Variants in ATP8B3 observed in about 807,000 individuals in gnomAD.
The protein encoded by ATP8B3 is ATPase phospholipid transporting 8B3.
A neutral mutation model predicts 140.9 loss-of-function variants in ATP8B3; 141 were observed. The observed-to-expected ratio is 1.00, with a 90% CI of 0.87 to 1.15. ATP8B3 has a LOEUF of 1.15. ATP8B3 is among the 50% of genes most tolerant of loss of function. The pLI is 0.00. For missense variants in ATP8B3, 1,874 were observed against 1,740.6 expected (o/e 1.08, Z -1.36); for synonymous variants, 765 against 714.6 (o/e 1.07, Z -1.13).
Position 1,806,537 on chromosome 19 carries a change from G to C in ATP8B3, c.677+91C>G, listed in dbSNP as rs541389422. ...AACCAGCCGGGAGATCAGGGAGCAC[G>C]GAAGGTGATGGACACTTGCCGAGGC... On this transcript the variant is annotated intron_variant, in intron 7 of 28. Transcript: ENST00000310127. The surrounding 1 kb of genome is among the most constrained non-coding windows in gnomAD (Gnocchi z 5.6). 21 of 1,531,152 alleles carry C rather than the reference G, an allele frequency of 1.4e-5. No individual in the cohort carries two copies. In the African/African-American group the frequency reaches 2.7e-4, roughly 20 times the overall value. 94.8% of individuals were successfully genotyped at this position (1,531,152 alleles called of 1,614,324 possible).
chr19:1,803,828 G>A (rs2068927310), intron 10 of ATP8B3, among the ~76,000 whole-genome samples: 2 of 151,338 alleles, frequency 1.3e-5, no homozygotes, highest in Non-Finnish European at 1.5e-5. Flanking sequence ...CCCGGGAGGC[G>A]GAGGTTGCCG....
chr19:1,806,652 G>C lies in ATP8B3; in HGVS notation c.653C>G (p.Pro218Arg), dbSNP rs1327767419. 1 of 1,564,290 alleles carries C rather than the reference G, an allele frequency of 6.4e-7. No individual in the cohort carries two copies. Among genetic ancestry groups the C allele is most frequent in the Non-Finnish European group, 8.7e-7 (1 of 1,154,632 alleles). ...HKSDRAINNR[P>R]CQILMGKSFK... is the part of the protein sequence containing the mutation. ...CCTCTTCCCCATCAGAATCTGGCAG[G>C]GTCTGTTGTTGATGGCTCTGTCACT... The change falls in exon 7 of 29, where the codon CCC becomes CGC. Residue 218 changes from proline to arginine, a missense_variant. Pro to Arg is a moderately radical substitution (Grantham distance 103). Coordinates refer to ENST00000310127, the MANE Select transcript of ATP8B3 (RefSeq NM_138813.4). The surrounding 1 kb of genome is among the most constrained non-coding windows in gnomAD (Gnocchi z 5.6).
chr19:1,803,898 A>G (rs920665886), intron 10 of ATP8B3, among the ~76,000 whole-genome samples: 2 of 78,130 alleles, frequency 2.6e-5, no homozygotes, highest in Non-Finnish European at 5.5e-5. Flanking sequence ...CTCTGTCTCA[A>G]AAAAAAAAAA....
chr19:1,797,070 C>A, intron 14 of ATP8B3, 65 bp from the exon 15 acceptor site: 1 of 1,607,834 alleles, frequency 6.2e-7, no homozygotes, highest in Non-Finnish European at 8.5e-7. Context: ...CCCATAGCCC[C>A]TGACCCCTAG....
chr19:1,790,749 C>G lies in ATP8B3; in HGVS notation c.2378+8G>C. 6.3e-7 allele frequency: 1 copy of G among 1,595,372 alleles called. No homozygotes were observed. Among genetic ancestry groups the G allele is most frequent in the South Asian group, 1.1e-5 (1 of 87,870 alleles). On this transcript the variant is annotated splice_region_variant and intron_variant, in intron 21 of 28. Coordinates refer to ENST00000310127, the MANE Select transcript of ATP8B3 (RefSeq NM_138813.4). ...CCCTTGCTCACCCCCCAACTCCCCA[C>G]TTCTTACCTAATCTCCTTCTCCTCC...
rs2068179590 is a variant in ATP8B3, at chr19:1,782,083, G to C, written c.*945C>G. 6.0e-6 allele frequency: 1 copy of C among 167,034 alleles called. No homozygotes were observed. Among genetic ancestry groups the C allele is most frequent in the African/African-American group, 2.5e-5 (1 of 40,392 alleles). 10.3% of individuals were successfully genotyped at this position (167,034 alleles called of 1,614,324 possible). A position where few individuals can be genotyped will look rare whatever the true frequency, so the allele number is the denominator to read the frequency against. ...GAAAGAGGGAGCCTGAATTAGCGCT[G>C]GGGTCAGATGGACCCTGGTTTATTA... On this transcript the variant is annotated 3_prime_UTR_variant, in exon 29 of 29. Coordinates refer to ENST00000310127, the MANE Select transcript of ATP8B3 (RefSeq NM_138813.4).
At position 1,804,793 on chromosome 19, in the gene ATP8B3, C is replaced by T. The variant is rs146022238; in HGVS notation, c.904+581G>A. The stretch of plus-strand genomic sequence containing the variant: ...TGCACTCCAGCCTGGGAGACAAGAG[C>T]GAAACTCCGTCTCAAAAAAAGAAAA... On this transcript the variant is annotated intron_variant, in intron 10 of 28. Coordinates refer to ENST00000310127, the MANE Select transcript of ATP8B3 (RefSeq NM_138813.4). Among the ~76,000 whole-genome samples, 362 of 152,120 alleles carry T rather than the reference C, an allele frequency of 2.4e-3. 3 individuals are homozygous for T. The highest frequency in any genetic ancestry group is 8.0e-3 in the African/African-American group (331 of 41,506).
In ATP8B3 at chr19:1,800,204, C is replaced by A. The variant is rs1447834943; in HGVS notation, c.1344-49G>T. On this transcript the variant is annotated intron_variant, in intron 13 of 28. Coordinates refer to ENST00000310127, the MANE Select transcript of ATP8B3 (RefSeq NM_138813.4). This position sits in a 1 kb window ranked among gnomAD's most constrained non-coding sequence, Gnocchi z 4.4. Reference sequence around the variant, plus strand: ...GTCAGCCCCGCCTGCTGTGTGCCATCCCCATGCCTCCCCGTTCCGCGTTTG... The same window carrying A: ...GTCAGCCCCGCCTGCTGTGTGCCATACCCATGCCTCCCCGTTCCGCGTTTG... 1 of 1,591,966 alleles carries A rather than the reference C, an allele frequency of 6.3e-7. No individual in the cohort carries two copies. Among genetic ancestry groups the A allele is most frequent in the Non-Finnish European group, 8.6e-7 (1 of 1,168,618 alleles).
At chr19:1,790,955 C>A in intron 20 of ATP8B3, 123 bp from the exon 21 acceptor site, 1 of 804,478 alleles carries the variant, frequency 1.2e-6, no homozygotes, top group Non-Finnish European at 2.0e-6. Context: ...CACCCCCTGG[C>A]CATGGTGATT....
Position 1,800,184 on chromosome 19 carries a change from C to G in ATP8B3, c.1344-29G>C, listed in dbSNP as rs1176665561. On this transcript the variant is annotated intron_variant, in intron 13 of 28. Transcript: ENST00000310127. This position sits in a 1 kb window ranked among gnomAD's most constrained non-coding sequence, Gnocchi z 4.4. ...CAGAGGCACTCAGGGTCACGGTCAGCCCCGCCTGCTGTGTGCCATCCCCAT... is the reference window on the plus strand; with the variant it reads ...CAGAGGCACTCAGGGTCACGGTCAGGCCCGCCTGCTGTGTGCCATCCCCAT... The G allele has an allele frequency of 1.9e-6, 3 of 1,573,296 alleles. No individual in the cohort carries two copies. The highest frequency in any genetic ancestry group is 2.6e-6 in the Non-Finnish European group (3 of 1,158,956).
chr19:1,807,960 T>C lies in ATP8B3; in HGVS notation c.516+262A>G, dbSNP rs1242755344. On this transcript the variant is annotated intron_variant, in intron 5 of 28. Transcript: ENST00000310127. This position sits in a 1 kb window ranked among gnomAD's most constrained non-coding sequence, Gnocchi z 5.9. ...GCTGGGGAACAGCTATGCCTCCCGA[T>C]GCCCAGCCCTGCCCAGCAGGAACCA... Among the ~76,000 whole-genome samples, 1 of 152,172 alleles carries C rather than the reference T, an allele frequency of 6.6e-6. No individual in the cohort carries two copies. Among genetic ancestry groups the C allele is most frequent in the Non-Finnish European group, 1.5e-5 (1 of 68,024 alleles).
chr19:1,810,760 A>C, intron 2 of ATP8B3, 77 bp from the exon 3 acceptor site: 52 of 1,414,420 alleles, frequency 3.7e-5, no homozygotes, highest in Non-Finnish European at 4.7e-5. Context: ...CAAGGAGCTC[A>C]CAGCCTAGGG....
rs1440278084 is a variant in ATP8B3, at chr19:1,799,938, G to T, written c.1552+9C>A. On this transcript the variant is annotated intron_variant, in intron 14 of 28. Coordinates refer to ENST00000310127, the MANE Select transcript of ATP8B3 (RefSeq NM_138813.4). ...GACCCAGCTGGGAGCTCAGGTGTCG[G>T]GGCCGCACCATAGACGCGGCCGCTG... The T allele has an allele frequency of 1.3e-6, 2 of 1,586,174 alleles. No individual in the cohort carries two copies. The highest frequency in any genetic ancestry group is 1.3e-5 in the African/African-American group (1 of 74,428).
rs1401930513 is a variant in ATP8B3 at position 1,810,647 on chromosome 19, ATCT to A, written c.282_284del (p.Glu94del). 44 of 1,612,628 alleles carry A rather than the reference ATCT, an allele frequency of 2.7e-5. No individual in the cohort carries two copies. Among genetic ancestry groups the A allele is most frequent in the Middle Eastern group, 1.6e-4 (1 of 6,078 alleles). On this transcript the variant is annotated inframe_deletion, in exon 3 of 29. Coordinates refer to ENST00000310127, the MANE Select transcript of ATP8B3 (RefSeq NM_138813.4). ...CTGAGTTCCTGTCCTCATCTTGGAG[ATCT>A]TCTCTCTGGCCGAGGCTGCCCATGC...
Position 1,796,280 on chromosome 19 carries a change from G to A in ATP8B3, c.1754-15C>T, listed in dbSNP as rs765666868. Reference sequence around the variant, plus strand: ...CAACAGCTGGTCTGGTAGGGAGGGGGGCCATTTTGGGGTCACGTGGTGGAG... The same window carrying A: ...CAACAGCTGGTCTGGTAGGGAGGGGAGCCATTTTGGGGTCACGTGGTGGAG... On this transcript the variant is annotated splice_polypyrimidine_tract_variant and intron_variant, in intron 16 of 28. Coordinates refer to ENST00000310127, the MANE Select transcript of ATP8B3 (RefSeq NM_138813.4). The A allele has an allele frequency of 1.3e-6, 2 of 1,593,370 alleles. No homozygotes were observed. The highest frequency in any genetic ancestry group is 2.7e-5 in the African/African-American group (2 of 74,554).
At chr19:1,789,164 TCCCG>T in intron 23 of ATP8B3, 44 bp from the exon 24 acceptor site, 1 of 848,952 alleles carries the variant, frequency 1.2e-6, no homozygotes, top group Non-Finnish European at 1.6e-6. Context: ...ACGCCCCCAG[TCCCG>T]CCCGCCCCCC....
chr19:1,788,961 TAGA>T lies in ATP8B3; in HGVS notation c.3002_3004del (p.Phe1001del), dbSNP rs774296945. On this transcript the variant is annotated inframe_deletion, in exon 24 of 29. Transcript: ENST00000310127. ...CACCATCATGCTGGCCATGCTCTTG[TAGA>T]AGAAGTAGCGCAGGAACTTGCAGAT... is the stretch of plus-strand genomic sequence containing the variant. 1,123 of 1,609,516 alleles carry T rather than the reference TAGA, an allele frequency of 7.0e-4. 3 individuals carry two copies. The highest frequency in any genetic ancestry group is 5.0e-4 in the Non-Finnish European group (586 of 1,178,308).
At chr19:1,798,156 A>G (rs2068737070) in intron 14 of ATP8B3, among the ~76,000 whole-genome samples, 1 of 151,664 alleles carries the variant, frequency 6.6e-6, no homozygotes, top group African/African-American at 2.4e-5. Flanking sequence ...TTTTTAGTAG[A>G]GACGGGGTTT....
Position 1,800,498 on chromosome 19 carries a change from C to G in ATP8B3, c.1153-49G>C. The G allele has an allele frequency of 6.5e-7, 1 of 1,534,132 alleles. No individual in the cohort carries two copies. The highest frequency in any genetic ancestry group is 8.9e-7 in the Non-Finnish European group (1 of 1,118,898). ...GGGTGAGGGGGGCGGGGGTCCCCCA[C>G]TCTGCCATCAGGATGGGGTAAACAC... On this transcript the variant is annotated intron_variant, in intron 12 of 28. Transcript: ENST00000310127. The surrounding 1 kb of genome is among the most constrained non-coding windows in gnomAD (Gnocchi z 4.4).
Sources: gnomAD v4.1 joint callset for allele counts (sites outside exome capture counted in the v4.1 genomes callset) on GRCh38, gnomAD v4.1.1 for gene constraint, Gnocchi (gnomAD v3.1) non-coding constraint, MANE v1.5 for transcripts, NCBI Gene and HGNC (gene_info 2026-07-23, HGNC 2026-07-21) for gene names.